The following ADAMTS9 variants were observed in gnomAD, a reference collection of about 807,000 sequenced individuals.
ADAMTS9 encodes ADAM metallopeptidase with thrombospondin type 1 motif 9.
ADAMTS9 carries 107 observed loss-of-function variants against 257.1 expected under a neutral mutation model. That is an observed-to-expected ratio of 0.42 (90% CI 0.36 to 0.49). ADAMTS9 has a LOEUF of 0.49. ADAMTS9 is among the 20% of genes least tolerant of loss of function. The pLI is 0.03. For missense variants in ADAMTS9, 2,353 were observed against 2,469.1 expected (o/e 0.95, Z 1.00); for synonymous variants, 982 against 880.9 (o/e 1.11, Z -2.03).
intron 26 of ADAMTS9, among the ~76,000 whole-genome samples, chr3:64,598,334 T>C (rs2084400556): frequency 1.4e-5 from 2 of 147,454 alleles, no homozygotes; most frequent in Admixed American, 1.3e-4. Flanking sequence ...TTTTTTTTTT[T>C]TGAGGTGGGG....
intron 3 of ADAMTS9, among the ~76,000 whole-genome samples, chr3:64,672,765 C>T (rs1396650781): frequency 6.6e-6 from 1 of 152,150 alleles, no homozygotes; most frequent in Non-Finnish European, 1.5e-5. Context: ...CCTAACTTGC[C>T]ACCTTACAAT....
intron 32 of ADAMTS9, among the ~76,000 whole-genome samples, chr3:64,544,365 T>C (rs1240365276): frequency 1.3e-5 from 2 of 152,164 alleles, no homozygotes; most frequent in Non-Finnish European, 2.9e-5. Context: ...CTTCACACTA[T>C]ACTACAGGCT....
chr3:64,577,454 T>C (rs576279058), intron 28 of ADAMTS9, among the ~76,000 whole-genome samples: 1 of 152,324 alleles, frequency 6.6e-6, no homozygotes, highest in South Asian at 2.1e-4. Flanking sequence ...ACTCTATGCC[T>C]GCCATGGGAT....
chr3:64,643,475 CAG>C (rs1474264065), intron 11 of ADAMTS9, among the ~76,000 whole-genome samples: 9 of 60,032 alleles, frequency 1.5e-4, no homozygotes, highest in South Asian at 4.2e-4. Context: ...TTTTTTGAGA[CAG>C]AGTCTTCCTC....
chr3:64,551,132 T>G, intron 30 of ADAMTS9, 70 bp from the exon 31 acceptor site: 1 of 1,519,658 alleles, frequency 6.6e-7, no homozygotes, highest in East Asian at 2.3e-5. Context: ...ATTATGTGTT[T>G]ACCTGTCTAC....
chr3:64,603,658 C>T (rs1236681918), intron 25 of ADAMTS9, among the ~76,000 whole-genome samples: 1 of 152,200 alleles, frequency 6.6e-6, no homozygotes, highest in Non-Finnish European at 1.5e-5. Flanking sequence ...GATTTCTGAT[C>T]AGCCCAACAG....
At chr3:64,643,751 CAA>C in intron 11 of ADAMTS9, among the ~76,000 whole-genome samples, 1 of 151,938 alleles carries the variant, frequency 6.6e-6, no homozygotes, top group East Asian at 1.9e-4. Flanking sequence ...AGGCATGAGC[CAA>C]CACACCTGGC....
In ADAMTS9 at chr3:64,615,312, C is replaced by A; in HGVS notation, c.3189+9G>T. The A allele has an allele frequency of 6.2e-7, 1 of 1,612,346 alleles. No homozygotes were observed. Among genetic ancestry groups the A allele is most frequent in the East Asian group, 2.2e-5 (1 of 44,810 alleles). The stretch of plus-strand genomic sequence containing the variant: ...TGACCTAGGGGAAATAACAGCCCTC[C>A]CATCTTACCTCTGACCAGTCTCCAG... On this transcript the variant is annotated intron_variant, in intron 21 of 39. Transcript: ENST00000498707.
At position 64,633,932 on chromosome 3, in the gene ADAMTS9, C is replaced by T. The variant is rs974172321; in HGVS notation, c.1857-53G>A. The T allele has an allele frequency of 7.5e-6, 11 of 1,458,304 alleles. No individual in the cohort carries two copies. The African/African-American group carries it at 1.1e-4, about 15-fold the overall frequency. 90.3% of individuals were successfully genotyped at this position (1,458,304 alleles called of 1,614,324 possible). On this transcript the variant is annotated intron_variant, in intron 12 of 39. Coordinates refer to ENST00000498707, the MANE Select transcript of ADAMTS9 (RefSeq NM_182920.2). ...ACACACTGTATTATCATGTATTCCT[C>T]TGAACATCACTCCTTCATTCATGAC...
chr3:64,593,917 T>C lies in ADAMTS9; in HGVS notation c.4356+341A>G, dbSNP rs147864339. 1.9e-3 allele frequency among the ~76,000 whole-genome samples: 280 copies of C among 150,886 alleles called. 1 individual carries two copies. Among genetic ancestry groups the C allele is most frequent in the African/African-American group, 6.5e-3 (265 of 40,692 alleles). On this transcript the variant is annotated intron_variant, in intron 28 of 39. Coordinates refer to ENST00000498707, the MANE Select transcript of ADAMTS9 (RefSeq NM_182920.2). ...GCTTAGAAAAGGAAAGAATGTGTGC[T>C]ATTGAGTTGTCTGTTAAAATCACTA...
At chr3:64,642,342 T>C (rs1418168456) in intron 11 of ADAMTS9, among the ~76,000 whole-genome samples, 2 of 152,116 alleles carry the variant, frequency 1.3e-5, no homozygotes, top group Non-Finnish European at 2.9e-5. Flanking sequence ...AAATGAGTTA[T>C]AAGATTTGCA....
At chr3:64,683,964 A>G (rs1422770434) in intron 2 of ADAMTS9, among the ~76,000 whole-genome samples, 1 of 152,154 alleles carries the variant, frequency 6.6e-6, no homozygotes, top group Non-Finnish European at 1.5e-5. Flanking sequence ...TCTTCTGGGA[A>G]AGAAGAGATA....
intron 37 of ADAMTS9, among the ~76,000 whole-genome samples, chr3:64,538,839 A>T (rs2083084629): frequency 6.6e-6 from 1 of 151,672 alleles, no homozygotes; most frequent in Non-Finnish European, 1.5e-5. Context: ...TTTTTTTTTT[A>T]GAAGTGTCAG....
chr3:64,654,208 G>C (rs537385365), intron 8 of ADAMTS9, 145 bp downstream of exon 8: 1 of 793,578 alleles, frequency 1.3e-6, no homozygotes, highest in Non-Finnish European at 2.1e-6. Context: ...CACCTAATTA[G>C]GTTCAAAGCT....
At chr3:64,646,143 AACC>A (rs1700780940) in intron 11 of ADAMTS9, among the ~76,000 whole-genome samples, 1 of 152,212 alleles carries the variant, frequency 6.6e-6, no homozygotes, top group South Asian at 2.1e-4. Flanking sequence ...TCAGGTTAAG[AACC>A]ACAACTAAAT....
At chr3:64,642,086 T>C in intron 11 of ADAMTS9, 93 bp from the exon 12 acceptor site, 3 of 1,408,570 alleles carry the variant, frequency 2.1e-6, no homozygotes, top group Admixed American at 1.9e-5. Context: ...CTGTAATTCT[T>C]TTCCATGTGT....
intron 36 of ADAMTS9, 44 bp from the exon 37 acceptor site, chr3:64,539,338 G>T: frequency 6.6e-7 from 1 of 1,519,734 alleles, no homozygotes; most frequent in Non-Finnish European, 9.1e-7. Flanking sequence ...AGGTAAGAGT[G>T]GGAGAAAGGC....
chr3:64,580,942 G>T (rs945955132), intron 28 of ADAMTS9, among the ~76,000 whole-genome samples: 1 of 152,156 alleles, frequency 6.6e-6, no homozygotes, highest in Non-Finnish European at 1.5e-5. Context: ...GGAAAAACAT[G>T]GGGCTTTGGA....
chr3:64,658,917 G>C (rs1036457328), intron 3 of ADAMTS9, 126 bp from the exon 4 acceptor site: 2 of 968,798 alleles, frequency 2.1e-6, no homozygotes, highest in Non-Finnish European at 3.1e-6. Flanking sequence ...AGTCCTCCAT[G>C]GACTCTACAG....
Sources: allele counts gnomAD v4.1 joint callset (sites outside exome capture counted in the v4.1 genomes callset), GRCh38; gene constraint gnomAD v4.1.1; transcripts MANE v1.5; gene names NCBI Gene and HGNC (gene_info 2026-07-23, HGNC 2026-07-21).